RSPO3: variants seen among roughly 807,000 people sequenced by gnomAD.
The protein encoded by RSPO3 is R-spondin-3.
RSPO3 carries 17 observed loss-of-function variants against 36.5 expected under a neutral mutation model. The ratio of observed to expected loss-of-function variants is 0.47; its 90% CI spans 0.32 to 0.70. The LOEUF (loss-of-function observed/expected upper bound fraction) is 0.70, where lower values mean the gene tolerates loss of function less well. Among genes scored for constraint, RSPO3 ranks in the 30% least tolerant of loss-of-function variants. The pLI, the probability that RSPO3 is intolerant of heterozygous loss-of-function variation, is 0.04. For synonymous variants in RSPO3, 108 were observed against 107.0 expected, an observed-to-expected ratio of 1.01 and a Z score of -0.06; for missense variants, 294 against 322.5, an observed-to-expected ratio of 0.91 and a Z score of 0.68.
intron 3 of RSPO3, among the ~76,000 whole-genome samples, chr6:127,151,827 G>A (rs1425709836): frequency 6.6e-6 from 1 of 151,946 alleles, no homozygotes; most frequent in African/African-American, 2.4e-5. Context: ...ACAAAAGAAA[G>A]CACTTCAAGT....
chr6:127,186,373 T>A (rs1156508456), intron 4 of RSPO3, among the ~76,000 whole-genome samples: 1 of 152,144 alleles, frequency 6.6e-6, no homozygotes, highest in African/African-American at 2.4e-5. Flanking sequence ...ACTTTCACTA[T>A]GCTCAGTCAT....
At chr6:127,131,962 T>G (rs1774067967) in intron 1 of RSPO3, among the ~76,000 whole-genome samples, 1 of 152,236 alleles carries the variant, frequency 6.6e-6, no homozygotes, top group East Asian at 1.9e-4. Context: ...AGCAATAAAC[T>G]AAAGTGGCTG....
chr6:127,189,207 G>A (rs538898062), intron 4 of RSPO3, among the ~76,000 whole-genome samples: 3 of 152,190 alleles, frequency 2.0e-5, no homozygotes, highest in African/African-American at 7.2e-5. Context: ...CTAATTGGGA[G>A]CTGAGAACAC....
chr6:127,177,629 A>G (rs1775081821), intron 4 of RSPO3, among the ~76,000 whole-genome samples: 1 of 151,910 alleles, frequency 6.6e-6, no homozygotes, highest in Admixed American at 6.6e-5. Flanking sequence ...AGGAATGAAT[A>G]AGAGCAGAGT....
At chr6:127,157,787 G>A (rs1014856726) in intron 4 of RSPO3, among the ~76,000 whole-genome samples, 1 of 151,544 alleles carries the variant, frequency 6.6e-6, no homozygotes, top group Non-Finnish European at 1.5e-5. Context: ...CTTTTCTTAA[G>A]TAGCCTATAA....
intron 4 of RSPO3, among the ~76,000 whole-genome samples, chr6:127,176,294 T>C (rs989742091): frequency 6.6e-6 from 1 of 151,764 alleles, no homozygotes; most frequent in African/African-American, 2.4e-5. Flanking sequence ...TAAGATTAAG[T>C]AAAAGATCAT....
chr6:127,138,729 T>C lies in RSPO3; in HGVS notation c.98-9919T>C, dbSNP rs563175264. On this transcript the variant is annotated intron_variant, in intron 1 of 4. Transcript: ENST00000356698. The stretch of plus-strand genomic sequence containing the variant: ...GTTAAACAACTTTTGTCTAAATATA[T>C]AATCAGACTGGAAATTCATTTACAC... Among the ~76,000 whole-genome samples the C allele has an allele frequency of 3.3e-5, 5 of 152,304 alleles. No individual in the cohort carries two copies. The East Asian group carries it at 7.7e-4, about 24-fold the overall frequency.
rs188921528 is a variant in RSPO3, at chr6:127,167,151, G to A, written c.634+11713G>A. On this transcript the variant is annotated intron_variant, in intron 4 of 4. Coordinates refer to ENST00000356698, the MANE Select transcript of RSPO3 (RefSeq NM_032784.5). ...TCCCTCAACTTTTATTTTAAGTTCC[G>A]GGGTACATGTGCAGGATGTGCAGGT... Among the ~76,000 whole-genome samples, 462 of 151,588 alleles carry A rather than the reference G, an allele frequency of 3.0e-3. 8 individuals are homozygous for A. Among genetic ancestry groups the A allele is most frequent in the East Asian group, 3.3e-3 (17 of 5,134 alleles).
chr6:127,144,054 T>TGAAGTTTTTTACTCAGG (rs1193418187), intron 1 of RSPO3, among the ~76,000 whole-genome samples: 3 of 152,170 alleles, frequency 2.0e-5, no homozygotes, highest in Non-Finnish European at 4.4e-5. Context: ...ATAGTGAAAT[T>TGAAGTTTTTTACTCAGG]GAAGTTTTTT....
intron 4 of RSPO3, among the ~76,000 whole-genome samples, chr6:127,183,557 G>A (rs1406686875): frequency 1.3e-5 from 2 of 151,820 alleles, no homozygotes; most frequent in Non-Finnish European, 2.9e-5. Flanking sequence ...ACTCTAACTC[G>A]AATTAAGTCA....
intron 4 of RSPO3, among the ~76,000 whole-genome samples, chr6:127,158,918 T>C (rs1484563138): frequency 2.0e-5 from 3 of 152,184 alleles, no homozygotes; most frequent in African/African-American, 7.2e-5. Context: ...AATTGAATTA[T>C]ATATTTGAAA....
At chr6:127,162,510 G>T (rs1026688666) in intron 4 of RSPO3, among the ~76,000 whole-genome samples, 1 of 151,974 alleles carries the variant, frequency 6.6e-6, no homozygotes, top group Non-Finnish European at 1.5e-5. Flanking sequence ...TATTTCTATT[G>T]TACTTTCTAA....
intron 2 of RSPO3, among the ~76,000 whole-genome samples, chr6:127,150,166 G>GATATAT (rs768162516): frequency 0.034 from 4,747 of 139,340 alleles, 236 homozygotes; most frequent in African/African-American, 0.11. Flanking sequence ...TATTCTTGGA[G>GATATAT]ATATATATAT....
In RSPO3 at chr6:127,148,855, A is replaced by G. The variant is rs1774436051; in HGVS notation, c.289+16A>G. On this transcript the variant is annotated intron_variant, in intron 2 of 4. Coordinates refer to ENST00000356698, the MANE Select transcript of RSPO3 (RefSeq NM_032784.5). ...AAGTGTACAAGTAAGTGCCCACACG[A>G]AATTGTATTTTTATCTCATCTTTGG... 1.3e-6 allele frequency: 2 copies of G among 1,588,452 alleles called. No homozygotes were observed. The highest frequency in any genetic ancestry group is 4.5e-5 in the East Asian group (2 of 44,580).
At chr6:127,157,668 T>C (rs1051477967) in intron 4 of RSPO3, among the ~76,000 whole-genome samples, 14 of 152,050 alleles carry the variant, frequency 9.2e-5, no homozygotes, top group Non-Finnish European at 1.9e-4. Flanking sequence ...TCAAATTTCA[T>C]AAAATGTAGA....
intron 4 of RSPO3, among the ~76,000 whole-genome samples, chr6:127,165,288 A>C (rs534179987): frequency 1.3e-5 from 2 of 152,088 alleles, no homozygotes; most frequent in South Asian, 2.1e-4. Flanking sequence ...GTAGAATACA[A>C]TTTAGATGGC....
At chr6:127,120,309 C>G (rs1773816433) in intron 1 of RSPO3, among the ~76,000 whole-genome samples, 1 of 152,166 alleles carries the variant, frequency 6.6e-6, no homozygotes, top group Admixed American at 6.5e-5. Context: ...GTCTGTGTTC[C>G]CATGGGGAGT....
intron 4 of RSPO3, among the ~76,000 whole-genome samples, chr6:127,170,434 TAC>T (rs141558102): frequency 6.0e-5 from 9 of 148,904 alleles, no homozygotes; most frequent in African/African-American, 1.2e-4. Flanking sequence ...GTTCCACACA[TAC>T]ACACACACAC....
chr6:127,184,794 C>A (rs761628247), intron 4 of RSPO3, among the ~76,000 whole-genome samples: 2 of 151,942 alleles, frequency 1.3e-5, no homozygotes, highest in African/African-American at 2.4e-5. Context: ...ATGACACTCT[C>A]TTCAGAATCA....
Sources: allele counts gnomAD v4.1 joint callset (sites outside exome capture counted in the v4.1 genomes callset), GRCh38; gene constraint gnomAD v4.1.1; transcripts MANE v1.5; gene names NCBI Gene and HGNC (gene_info 2026-07-23, HGNC 2026-07-21).